EEA1: variants seen among roughly 807,000 people sequenced by gnomAD.
The protein encoded by EEA1 is early endosome antigen 1, 162kD.
A neutral mutation model predicts 209.2 loss-of-function variants in EEA1; 111 were observed. The ratio of observed to expected loss-of-function variants is 0.53; its 90% confidence interval spans 0.45 to 0.62. EEA1 has a LOEUF of 0.62. Ranked by LOEUF, EEA1 falls within the 20% of genes least tolerant of loss-of-function variation. The probability of loss-of-function intolerance (pLI) is 0.00; values close to 1 mark genes in which losing one functional copy is unlikely to be tolerated. For missense variants in EEA1, 1,343 were observed against 1,530.8 expected, an observed-to-expected ratio of 0.88 and a Z score of 2.05; for synonymous variants, 536 against 540.6, an observed-to-expected ratio of 0.99 and a Z score of 0.12.
At chr12:92,803,108 T>C (rs1480603258) in intron 18 of EEA1, among the ~76,000 whole-genome samples, 1 of 152,104 alleles carries the variant, frequency 6.6e-6, no homozygotes, top group East Asian at 1.9e-4. Flanking sequence ...ATTATGTTAG[T>C]TCTCCAACAC....
At chr12:92,838,543 G>T (rs1877028219) in intron 10 of EEA1, among the ~76,000 whole-genome samples, 1 of 152,136 alleles carries the variant, frequency 6.6e-6, no homozygotes, top group Non-Finnish European at 1.5e-5. Flanking sequence ...AGGTTTACTA[G>T]GGAAAAGCAC....
At chr12:92,817,711 T>A (rs955367959) in intron 14 of EEA1, among the ~76,000 whole-genome samples, 1 of 152,218 alleles carries the variant, frequency 6.6e-6, no homozygotes, top group Non-Finnish European at 1.5e-5. Flanking sequence ...AGTAATCTTT[T>A]ACTATTTATT....
At chr12:92,834,428 C>A (rs895648595) in intron 10 of EEA1, among the ~76,000 whole-genome samples, 16 of 151,232 alleles carry the variant, frequency 1.1e-4, no homozygotes, top group African/African-American at 3.6e-4. Context: ...ACCTATAGAC[C>A]TAGCTACCCG....
intron 6 of EEA1, among the ~76,000 whole-genome samples, chr12:92,853,694 A>T (rs1877736454): frequency 6.6e-6 from 1 of 152,196 alleles, no homozygotes; most frequent in African/African-American, 2.4e-5. Context: ...TTACTTCAAA[A>T]TATAATGAAC....
intron 9 of EEA1, among the ~76,000 whole-genome samples, chr12:92,844,724 A>G (rs1445625882): frequency 1.3e-5 from 2 of 152,134 alleles, no homozygotes; most frequent in Non-Finnish European, 2.9e-5. Context: ...AATTTATTAC[A>G]AAATAAAATA....
intron 11 of EEA1, among the ~76,000 whole-genome samples, chr12:92,831,561 T>G (rs1194367954): frequency 6.8e-6 from 1 of 146,666 alleles, no homozygotes; most frequent in African/African-American, 2.5e-5. Context: ...TCATGATATA[T>G]TGTGTGTATA....
chr12:92,864,993 G>A lies in EEA1; in HGVS notation c.118-6C>T. On this transcript the variant is annotated splice_polypyrimidine_tract_variant and splice_region_variant and intron_variant, in intron 2 of 28. Coordinates refer to ENST00000322349, the MANE Select transcript of EEA1 (RefSeq NM_003566.4). ...CACTGGGGACATATGAAACCCTATA[G>A]AAAGGGGCAGAAAAAAGTTTCAAAA... 1.3e-6 allele frequency: 2 copies of A among 1,572,924 alleles called. No individual in the cohort carries two copies. The highest frequency in any genetic ancestry group is 1.7e-6 in the Non-Finnish European group (2 of 1,165,994).
intron 10 of EEA1, among the ~76,000 whole-genome samples, chr12:92,838,898 C>T (rs573816938): frequency 2.0e-5 from 3 of 152,154 alleles, no homozygotes; most frequent in African/African-American, 7.2e-5. Flanking sequence ...TTGAGTTATA[C>T]TGAACTAGCC....
chr12:92,927,652 T>C (rs1881259494), intron 1 of EEA1, among the ~76,000 whole-genome samples: 1 of 152,058 alleles, frequency 6.6e-6, no homozygotes, highest in South Asian at 2.1e-4. Flanking sequence ...AGAAACACAA[T>C]CTGAAACATG....
intron 1 of EEA1, among the ~76,000 whole-genome samples, chr12:92,907,555 T>G (rs543335144): frequency 5.9e-5 from 9 of 152,228 alleles, no homozygotes; most frequent in African/African-American, 2.2e-4. Context: ...CCTTGGCCAC[T>G]ACCTTAATTC....
At chr12:92,776,215 A>G (rs1393493345) in intron 28 of EEA1, 82 bp from the exon 29 acceptor site, 1 of 1,332,646 alleles carries the variant, frequency 7.5e-7, no homozygotes, top group Non-Finnish European at 1.0e-6. Context: ...ACCACCAACT[A>G]CATTATGAAG....
In EEA1 at chr12:92,902,992, C is replaced by T. The variant is rs1435494461; in HGVS notation, c.25-11271G>A. Among the ~76,000 whole-genome samples, 4 of 148,916 alleles carry T rather than the reference C, an allele frequency of 2.7e-5. No individual in the cohort carries two copies. In the East Asian group the frequency reaches 6.2e-4, roughly 23 times the overall value. The stretch of plus-strand genomic sequence containing the variant: ...CTCTGTCACCCAGGCTGGAGTGCAG[C>T]GGCGCGATCTTGACTTACTGCAAGC... On this transcript the variant is annotated intron_variant, in intron 1 of 28. Transcript: ENST00000322349.
At chr12:92,858,669 G>C (rs1877994734) in intron 3 of EEA1, 2 of 737,800 alleles carry the variant, frequency 2.7e-6, no homozygotes, top group South Asian at 2.7e-5. Context: ...GAGGTGCTAT[G>C]CTTCCCATCA....
At chr12:92,803,939 A>G (rs1000104186) in intron 18 of EEA1, among the ~76,000 whole-genome samples, 1 of 152,194 alleles carries the variant, frequency 6.6e-6, no homozygotes, top group Non-Finnish European at 1.5e-5. Context: ...GAATCAAAGA[A>G]AGCAAAACAG....
chr12:92,926,813 GC>G (rs60538837), intron 1 of EEA1, among the ~76,000 whole-genome samples: 2,824 of 152,110 alleles, frequency 0.019, 96 homozygotes, highest in African/African-American at 0.063. Flanking sequence ...CTGTGAATAT[GC>G]CCCCGTCCCT....
intron 1 of EEA1, among the ~76,000 whole-genome samples, chr12:92,903,801 A>G (rs1434026394): frequency 6.6e-6 from 1 of 152,188 alleles, no homozygotes; most frequent in African/African-American, 2.4e-5. Flanking sequence ...AGGTAATCAT[A>G]TAAGACCAAT....
chr12:92,779,244 A>G lies in EEA1; in HGVS notation c.3525T>C (p.Leu1175=). Residue 1175 remains leucine (L), a synonymous_variant, in exon 25 of 29, where the codon CTT becomes CTC. Transcript: ENST00000322349. ...KQLLIQQKLE[L]QGKADSLKAA... ...CCTTCAGGGAGTCCGCTTTTCCTTG[A>G]AGTTCTAATTTCTGCTGAATTAGAA... The G allele has an allele frequency of 6.2e-7, 1 of 1,609,772 alleles. No individual in the cohort carries two copies. Among genetic ancestry groups the G allele is most frequent in the Non-Finnish European group, 8.5e-7 (1 of 1,178,782 alleles).
At chr12:92,776,500 A>C (rs1262758563) in intron 28 of EEA1, among the ~76,000 whole-genome samples, 1 of 151,886 alleles carries the variant, frequency 6.6e-6, no homozygotes, top group Non-Finnish European at 1.5e-5. Flanking sequence ...TCATTAACAC[A>C]ATGGTAGTAT....
Position 92,777,802 on chromosome 12 carries a change from A to ATT in EEA1, c.3893+137_3893+138dup, listed in dbSNP as rs1020670717. 3 of 1,255,230 alleles carry ATT rather than the reference A, an allele frequency of 2.4e-6. No homozygotes were observed. In the African/African-American group the frequency reaches 4.6e-5, roughly 19 times the overall value. The allele number at this position is 1,255,230 out of a possible 1,614,324, so 77.8% of individuals were successfully genotyped here. A position where few individuals can be genotyped will look rare whatever the true frequency, so the allele number is the denominator to read the frequency against. The stretch of plus-strand genomic sequence containing the variant: ...GACTATCTGATTGTTTTACAGGTTA[A>ATT]TTTTTAAATGGCTACTTAAATACCT... On this transcript the variant is annotated intron_variant, in intron 26 of 28. Transcript: ENST00000322349.
Sources: allele counts gnomAD v4.1 joint callset (sites outside exome capture counted in the v4.1 genomes callset), GRCh38; gene constraint gnomAD v4.1.1; transcripts MANE v1.5; gene names NCBI Gene and HGNC (gene_info 2026-07-23, HGNC 2026-07-21).